TTYH2: variants seen among roughly 807,000 people sequenced by gnomAD.
TTYH2 encodes the protein tweety family member 2, also known as protein tweety homolog 2.
A neutral mutation model predicts 68.3 loss-of-function variants in TTYH2; 49 were observed. That is an observed-to-expected ratio of 0.72 (90% CI 0.57 to 0.91). TTYH2 has a LOEUF of 0.91. Among genes scored for constraint, TTYH2 ranks in the 40% least tolerant of loss-of-function variants. The pLI, the probability that TTYH2 is intolerant of heterozygous loss-of-function variation, is 0.00. For missense variants in TTYH2, 631 were observed against 700.4 expected (o/e 0.90, Z 1.12); for synonymous variants, 272 against 300.8 (o/e 0.90, Z 0.99).
intron 13 of TTYH2, among the ~76,000 whole-genome samples, chr17:74,255,358 T>C (rs181349256): frequency 1.0e-4 from 16 of 152,386 alleles, no homozygotes; most frequent in Non-Finnish European, 2.1e-4. Flanking sequence ...AAGCATCCAG[T>C]GAGTGCCGTA....
At position 74,235,808 on chromosome 17, in the gene TTYH2, C is replaced by A. The variant is rs534332722; in HGVS notation, c.415-1486C>A. On this transcript the variant is annotated intron_variant, in intron 3 of 13. Coordinates refer to ENST00000269346, the MANE Select transcript of TTYH2 (RefSeq NM_032646.6). ...GGGAGGGAGGCTGAGGCAGGAGAAT[C>A]ACTTGAACCCGGGAGGCGGAGGTTG... is the stretch of plus-strand genomic sequence containing the variant. 2.6e-5 allele frequency among the ~76,000 whole-genome samples: 4 copies of A among 151,264 alleles called. No individual in the cohort carries two copies. The South Asian group carries it at 8.4e-4, about 32-fold the overall frequency.
chr17:74,260,469 G>C lies in TTYH2; in HGVS notation c.*260G>C. ...TGGCTGCCTCAGAGGTACCATCCCTGAGCTGGCTGCCTGGCCCTGCTCACC... is the reference window on the plus strand; with the variant it reads ...TGGCTGCCTCAGAGGTACCATCCCTCAGCTGGCTGCCTGGCCCTGCTCACC... On this transcript the variant is annotated 3_prime_UTR_variant, in exon 14 of 14. Coordinates refer to ENST00000269346, the MANE Select transcript of TTYH2 (RefSeq NM_032646.6). 1 of 511,162 alleles carries C rather than the reference G, an allele frequency of 2.0e-6. No individual in the cohort carries two copies. The highest frequency in any genetic ancestry group is 2.1e-5 in the South Asian group (1 of 47,580). 31.7% of individuals were successfully genotyped at this position (511,162 alleles called of 1,614,324 possible). A position where few individuals can be genotyped will look rare whatever the true frequency, so the allele number is the denominator to read the frequency against.
At chr17:74,246,689 A>T (rs982422206) in intron 6 of TTYH2, among the ~76,000 whole-genome samples, 13 of 152,198 alleles carry the variant, frequency 8.5e-5, no homozygotes, top group African/African-American at 3.1e-4. Context: ...CACGTGTATT[A>T]GTCCATTTTC....
chr17:74,236,495 G>A (rs536632166), intron 3 of TTYH2, among the ~76,000 whole-genome samples: 105 of 152,326 alleles, frequency 6.9e-4, no homozygotes, highest in Middle Eastern at 3.4e-3. Context: ...CTCCATCTGG[G>A]TGTCTCTGTA....
chr17:74,230,109 C>A (rs997646064), intron 2 of TTYH2, among the ~76,000 whole-genome samples: 1 of 151,860 alleles, frequency 6.6e-6, no homozygotes, highest in Non-Finnish European at 1.5e-5. Flanking sequence ...CCAGCCTGGG[C>A]AACAGAGCGA....
intron 2 of TTYH2, among the ~76,000 whole-genome samples, chr17:74,227,996 T>C (rs1255388865): frequency 6.8e-6 from 1 of 146,708 alleles, no homozygotes; most frequent in East Asian, 1.9e-4. Context: ...TTTTTTTTTT[T>C]TTTTTGAGAT....
intron 2 of TTYH2, among the ~76,000 whole-genome samples, chr17:74,224,798 G>A (rs557810807): frequency 6.6e-6 from 1 of 152,264 alleles, no homozygotes; most frequent in South Asian, 2.1e-4. Flanking sequence ...TCAGGAGTTC[G>A]ACACCAGCCT....
chr17:74,258,095 A>G (rs2050711333), intron 13 of TTYH2, among the ~76,000 whole-genome samples: 1 of 149,250 alleles, frequency 6.7e-6, no homozygotes, highest in Non-Finnish European at 1.5e-5. Flanking sequence ...CGGAGGTTGT[A>G]GTGAGCTGAG....
chr17:74,252,062 G>A, intron 10 of TTYH2, 172 bp from the exon 11 acceptor site: 2 of 754,240 alleles, frequency 2.7e-6, no homozygotes. Context: ...AAGCCCCATT[G>A]TGTTAGGCTC....
chr17:74,251,372 G>T (rs1045778608), intron 10 of TTYH2, among the ~76,000 whole-genome samples: 13 of 116,290 alleles, frequency 1.1e-4, no homozygotes, highest in African/African-American at 4.3e-4. Flanking sequence ...GCATGTGGGG[G>T]GTGCATGTGT....
Position 74,251,181 on chromosome 17 carries a change from C to T in TTYH2, c.1116+824C>T, listed in dbSNP as rs533459791. ...TGTGTGTGGTATGTGCATGCTTGTGCGCATGTGTGCTGTGCATGCGTGTGT... is the reference window on the plus strand; with the variant it reads ...TGTGTGTGGTATGTGCATGCTTGTGTGCATGTGTGCTGTGCATGCGTGTGT... On this transcript the variant is annotated intron_variant, in intron 10 of 13. Transcript: ENST00000269346. 5.3e-5 allele frequency among the ~76,000 whole-genome samples: 8 copies of T among 150,026 alleles called. No homozygotes were observed. In the East Asian group the frequency reaches 5.9e-4, roughly 11 times the overall value.
At chr17:74,254,466 C>A (rs2050673233) in intron 13 of TTYH2, among the ~76,000 whole-genome samples, 1 of 152,202 alleles carries the variant, frequency 6.6e-6, no homozygotes, top group Admixed American at 6.5e-5. Flanking sequence ...CCGCGCCCGG[C>A]CAGCTAATTG....
Position 74,215,169 on chromosome 17 carries a change from CCG to C in TTYH2, c.129+1454_129+1455del, listed in dbSNP as rs2143705749. Among the ~76,000 whole-genome samples the C allele has an allele frequency of 8.7e-6, 1 of 114,868 alleles. No individual in the cohort carries two copies. The highest frequency in any genetic ancestry group is 7.7e-5 in the Admixed American group (1 of 12,904). 75.4% of individuals were successfully genotyped at this position (114,868 alleles called of 152,430 possible). ...GAGGCGGATATGATTTCAGAAACAG[CCG>C]TGTGTGTGTGTGTGTGTGTGTGTGT... On this transcript the variant is annotated intron_variant, in intron 1 of 13. Coordinates refer to ENST00000269346, the MANE Select transcript of TTYH2 (RefSeq NM_032646.6). This position sits in a 1 kb window ranked among gnomAD's most constrained non-coding sequence, Gnocchi z 4.3.
chr17:74,245,118 G>A (rs537131016), intron 6 of TTYH2, among the ~76,000 whole-genome samples: 20 of 152,294 alleles, frequency 1.3e-4, no homozygotes, highest in Admixed American at 6.5e-4. Flanking sequence ...AGCTCTGGGC[G>A]TGGACACAAT....
At chr17:74,248,948 C>T (rs1244609208) in intron 6 of TTYH2, 63 bp from the exon 7 acceptor site, 20 of 1,610,250 alleles carry the variant, frequency 1.2e-5, no homozygotes, top group Non-Finnish European at 1.5e-5. Context: ...CCCGGCTCCT[C>T]CCAGGGCCCC....
Position 74,229,123 on chromosome 17 carries a change from A to G in TTYH2, c.303-1765A>G, listed in dbSNP as rs1024862235. ...TAAGTTGGGAGTTCACAGTGGAAGA[A>G]CAGACTGTGACATGGGTGGCCTGAG... On this transcript the variant is annotated intron_variant, in intron 2 of 13. Coordinates refer to ENST00000269346, the MANE Select transcript of TTYH2 (RefSeq NM_032646.6). Among the ~76,000 whole-genome samples, 103 of 152,286 alleles carry G rather than the reference A, an allele frequency of 6.8e-4. 1 individual carries two copies. Among genetic ancestry groups the G allele is most frequent in the African/African-American group, 2.4e-3 (98 of 41,552 alleles).
chr17:74,224,701 T>C (rs1274819222), intron 2 of TTYH2, among the ~76,000 whole-genome samples: 1 of 152,108 alleles, frequency 6.6e-6, no homozygotes, highest in East Asian at 1.9e-4. Flanking sequence ...TTTGAATCAT[T>C]GCAACTAAAG....
intron 6 of TTYH2, chr17:74,248,655 A>T: frequency 8.7e-7 from 1 of 1,145,592 alleles, no homozygotes; most frequent in East Asian, 4.8e-5. Context: ...CCTGGGGCCC[A>T]GGATGCTGGC....
intron 12 of TTYH2, among the ~76,000 whole-genome samples, 186 bp from the exon 13 acceptor site, chr17:74,253,569 C>T (rs1007763234): frequency 6.6e-6 from 1 of 152,202 alleles, no homozygotes; most frequent in African/African-American, 2.4e-5. Context: ...GCCCATCAGC[C>T]ACTTGTCCCC....
Sources: allele counts gnomAD v4.1 joint callset (sites outside exome capture counted in the v4.1 genomes callset), GRCh38; gene constraint gnomAD v4.1.1; non-coding constraint Gnocchi (gnomAD v3.1); transcripts MANE v1.5; gene names NCBI Gene and HGNC (gene_info 2026-07-23, HGNC 2026-07-21).